The following ACACB variants were observed in gnomAD, a reference collection of about 807,000 sequenced individuals.
ACACB encodes the protein acetyl-CoA carboxylase 2.
Under a neutral mutation model 278.8 loss-of-function variants are expected in ACACB, and 209 were observed. The observed-to-expected ratio is 0.75, with a 90% CI of 0.67 to 0.84. The LOEUF (loss-of-function observed/expected upper bound fraction) is 0.84, where lower values mean the gene tolerates loss of function less well. Among genes scored for constraint, ACACB ranks in the 40% least tolerant of loss-of-function variants. The pLI is 0.00. For missense variants in ACACB, 2,850 were observed against 3,269.0 expected (o/e 0.87, Z 3.13); for synonymous variants, 1,174 against 1,285.6 (o/e 0.91, Z 1.86).
intron 49 of ACACB, chr12:109,262,925 C>T (rs917567557): frequency 8.2e-6 from 1 of 121,972 alleles, no homozygotes; most frequent in African/African-American, 2.7e-5. Context: ...AGGACATTCA[C>T]ATTTCTAAAT....
intron 27 of ACACB, among the ~76,000 whole-genome samples, chr12:109,225,066 C>T (rs533788896): frequency 6.6e-6 from 1 of 152,314 alleles, no homozygotes; most frequent in East Asian, 1.9e-4. Context: ...TTTTATTCCT[C>T]TATGGGTTTC....
chr12:109,209,418 G>C (rs2045616736), intron 21 of ACACB, 65 bp downstream of exon 21: 1 of 1,500,048 alleles, frequency 6.7e-7, no homozygotes, highest in Non-Finnish European at 9.0e-7. Context: ...TCCCGGTCTG[G>C]CTCGATATCT....
At position 109,262,465 on chromosome 12, in the gene ACACB, G is replaced by T. The variant is rs1565985179; in HGVS notation, c.6783G>T (p.Gln2261His). Residue 2261 changes from glutamine to histidine, a missense_variant, in exon 49 of 53, where the codon CAG (glutamine) becomes CAT (histidine). Around this residue, in one of 3 missense-constraint regions of ACACB, gnomAD observed 579 missense variants for 684.6 expected, o/e 0.85. Transcript: ENST00000338432. ...CAGCTTACAAGAAGCTCATGGAACAGCTAGGTAAGGGGGTCCCAAAGGCTT... is the reference window on the plus strand; with the variant it reads ...CAGCTTACAAGAAGCTCATGGAACATCTAGGTAAGGGGGTCCCAAAGGCTT... ...IDPAYKKLME[Q>H]LGEPDLSDKD... 20 of 1,611,466 alleles carry T rather than the reference G, an allele frequency of 1.2e-5. No individual in the cohort carries two copies. The highest frequency in any genetic ancestry group is 1.7e-5 in the Non-Finnish European group (20 of 1,178,342).
intron 11 of ACACB, 64 bp from the exon 12 acceptor site, chr12:109,185,515 C>T (rs963207626): frequency 1.9e-6 from 3 of 1,576,948 alleles, no homozygotes; most frequent in African/African-American, 2.7e-5. Context: ...ACCACTGTGC[C>T]TGGTGTTTTG....
At position 109,233,832 on chromosome 12, in the gene ACACB, C is replaced by T. The variant is rs759946321; in HGVS notation, c.4224C>T (p.Ser1408=). ...LFSEARTSLY[S]EDDCKSLREE... is the part of the protein sequence containing the mutation. The stretch of plus-strand genomic sequence containing the variant: ...GCGAGGCCCGCACCTCCCTATACTC[C>T]GAGGATGACTGCAAGGTAAGCGTCT... The change falls in exon 30 of 53, where the codon TCC becomes TCT. Residue 1408 remains serine, a synonymous_variant. Transcript: ENST00000338432. The T allele has an allele frequency of 1.7e-5, 28 of 1,614,062 alleles. No homozygotes were observed. The highest frequency in any genetic ancestry group is 3.3e-5 in the Admixed American group (2 of 60,006).
chr12:109,235,528 A>G (rs1000192357), intron 32 of ACACB, 78 bp from the exon 33 acceptor site: 1 of 1,460,506 alleles, frequency 6.8e-7, no homozygotes, highest in Non-Finnish European at 9.6e-7. Context: ...AATCGTTTAC[A>G]ATCACTAAAT....
rs977647574 is a variant in ACACB at position 109,255,995 on chromosome 12, C to G, written c.6167-145C>G. ...TTTGGGAAGGAGGGAAGGGGTTGGG[C>G]TGTGTGGTTTTAGGTAGAAAGGGGT... On this transcript the variant is annotated intron_variant, in intron 44 of 52. Coordinates refer to ENST00000338432, the MANE Select transcript of ACACB (RefSeq NM_001093.4). The G allele has an allele frequency of 6.8e-6, 4 of 591,358 alleles. No homozygotes were observed. The African/African-American group carries it at 7.5e-5, about 11-fold the overall frequency. The allele number at this position is 591,358 out of a possible 1,614,324, so 36.6% of individuals were successfully genotyped here.
chr12:109,154,088 C>T (rs1352914793), intron 2 of ACACB, among the ~76,000 whole-genome samples: 2 of 152,188 alleles, frequency 1.3e-5, no homozygotes, highest in Non-Finnish European at 2.9e-5. Flanking sequence ...ATAAGATTGC[C>T]ACGAGGATTA....
rs921895997 is a variant in ACACB, at chr12:109,262,442, G to A, written c.6760G>A (p.Ala2254Thr). ...AAAGTCCATGAGAAGGATCGATCCA[G>A]CTTACAAGAAGCTCATGGAACAGCT... ...LIKSMRRIDP[A>T]YKKLMEQLGE... The change falls in exon 49 of 53, where the codon GCT becomes ACT. Residue 2254 changes from alanine to threonine, a missense_variant. By Grantham distance (58) the Ala-to-Thr change is moderately conservative. Coordinates refer to ENST00000338432, the MANE Select transcript of ACACB (RefSeq NM_001093.4). 3.1e-6 allele frequency: 5 copies of A among 1,613,732 alleles called. No individual in the cohort carries two copies. Among genetic ancestry groups the A allele is most frequent in the Non-Finnish European group, 2.5e-6 (3 of 1,179,900 alleles).
chr12:109,163,174 C>T (rs1232297847), intron 2 of ACACB, among the ~76,000 whole-genome samples: 9 of 152,206 alleles, frequency 5.9e-5, no homozygotes, highest in Non-Finnish European at 2.9e-5. Flanking sequence ...ATTCACCTGC[C>T]TCGGCCTCCC....
At chr12:109,215,625 G>T (rs546220768) in intron 22 of ACACB, among the ~76,000 whole-genome samples, 3 of 152,116 alleles carry the variant, frequency 2.0e-5, no homozygotes, top group South Asian at 2.1e-4. Context: ...TTAGCCGAGC[G>T]TGGGTGGCAG....
intron 1 of ACACB, among the ~76,000 whole-genome samples, chr12:109,118,087 A>T (rs1195234061): frequency 1.3e-5 from 2 of 152,184 alleles, no homozygotes; most frequent in Non-Finnish European, 2.9e-5. Flanking sequence ...TTCTGCTAAT[A>T]GTGACATGGA....
At chr12:109,117,263 G>A (rs1437555892) in intron 1 of ACACB, among the ~76,000 whole-genome samples, 1 of 150,490 alleles carries the variant, frequency 6.6e-6, no homozygotes, top group African/African-American at 2.4e-5. Context: ...GGGAGGCTGA[G>A]GCAGGAGAAT....
intron 1 of ACACB, among the ~76,000 whole-genome samples, chr12:109,130,413 C>G (rs960812337): frequency 1.3e-5 from 2 of 152,176 alleles, no homozygotes; most frequent in South Asian, 4.1e-4. Flanking sequence ...ACAAGGTGCC[C>G]GGTGACAGTT....
intron 52 of ACACB, 120 bp from the exon 53 acceptor site, chr12:109,266,116 C>T: frequency 7.7e-7 from 1 of 1,298,068 alleles, no homozygotes; most frequent in South Asian, 1.5e-5. Context: ...ATGGGGACCA[C>T]AGCAGGGACT....
chr12:109,174,803 G>A (rs1314766963), intron 7 of ACACB, among the ~76,000 whole-genome samples: 2 of 152,112 alleles, frequency 1.3e-5, no homozygotes, highest in African/African-American at 2.4e-5. Flanking sequence ...CTAGGAGGTC[G>A]AGGTTACAGT....
chr12:109,195,939 C>T lies in ACACB; in HGVS notation c.2482-1069C>T, dbSNP rs1271815652. ...ATAGCTGTGTGTGGTTAGGGGTCAC[C>T]GTATCAGACAGGGCAGATCTAAAGT... On this transcript the variant is annotated intron_variant, in intron 16 of 52. Coordinates refer to ENST00000338432, the MANE Select transcript of ACACB (RefSeq NM_001093.4). 2.6e-5 allele frequency among the ~76,000 whole-genome samples: 4 copies of T among 152,064 alleles called. No homozygotes were observed. In the East Asian group the frequency reaches 5.8e-4, roughly 22 times the overall value.
intron 2 of ACACB, among the ~76,000 whole-genome samples, chr12:109,152,640 CTTTT>C (rs34863094): frequency 2.7e-5 from 2 of 74,838 alleles, no homozygotes; most frequent in African/African-American, 9.6e-5. Context: ...TTCTTTCTTT[CTTTT>C]TTTTTTTTTT....
intron 1 of ACACB, among the ~76,000 whole-genome samples, chr12:109,122,081 T>TA (rs1017395079): frequency 1.3e-5 from 2 of 152,088 alleles, no homozygotes; most frequent in Non-Finnish European, 2.9e-5. Flanking sequence ...AGGCAGCATG[T>TA]GCAGAGGAAC....
Sources: gnomAD v4.1 joint callset for allele counts (sites outside exome capture counted in the v4.1 genomes callset) on GRCh38, gnomAD v4.1.1 for gene constraint, gnomAD v4.1.1 regional missense constraint, MANE v1.5 for transcripts, NCBI Gene and HGNC (gene_info 2026-07-23, HGNC 2026-07-21) for gene names.